The following PIK3C2G variants were observed in gnomAD, a reference collection of about 807,000 sequenced individuals.
The protein encoded by PIK3C2G is phosphatidylinositol-4-phosphate 3-kinase catalytic subunit type 2 gamma, also known as phosphatidylinositol 3-kinase C2 domain-containing subunit gamma.
In PIK3C2G, 168 loss-of-function variants were observed where a neutral mutation model predicts 181.1. That is an observed-to-expected ratio of 0.93 (90% CI 0.82 to 1.05). The LOEUF is 1.05. Among genes scored for constraint, PIK3C2G ranks in the 50% least tolerant of loss-of-function variants. The pLI, the probability that PIK3C2G is intolerant of heterozygous loss-of-function variation, is 0.00. For synonymous variants in PIK3C2G, 573 were observed against 592.2 expected (o/e 0.97, Z 0.47); for missense variants, 1,869 against 1,732.8 (o/e 1.08, Z -1.40).
chr12:18,358,261 G>A (rs996247088), intron 11 of PIK3C2G, among the ~76,000 whole-genome samples: 17 of 152,146 alleles, frequency 1.1e-4, no homozygotes, highest in African/African-American at 3.4e-4. Context: ...TCTGCTTACC[G>A]GAAGTAGTCC....
At chr12:18,717,398 A>G in the PIK3C2G span, among the ~76,000 whole-genome samples, 1 of 152,152 alleles carries the variant, frequency 6.6e-6, no homozygotes, top group African/African-American at 2.4e-5. Context: ...ATTTACTTGT[A>G]TGTTTGATAT....
At chr12:18,333,643 C>T (rs1938210889) in intron 8 of PIK3C2G, among the ~76,000 whole-genome samples, 1 of 152,060 alleles carries the variant, frequency 6.6e-6, no homozygotes, top group Non-Finnish European at 1.5e-5. Flanking sequence ...TATTTTAAGC[C>T]AAGCTGCATT....
At chr12:18,555,169 A>G (rs1451775694) in intron 26 of PIK3C2G, among the ~76,000 whole-genome samples, 1 of 152,174 alleles carries the variant, frequency 6.6e-6, no homozygotes, top group Non-Finnish European at 1.5e-5. Context: ...TGCCAAATAT[A>G]TGAACAATTT....
At chr12:18,258,632 G>A (rs1948172338), upstream of PIK3C2G, among the ~76,000 whole-genome samples, 1 of 150,178 alleles carries the variant, frequency 6.7e-6, no homozygotes, top group Non-Finnish European at 1.5e-5. Context: ...TTTTTTTAAG[G>A]GCGGGAGAGG....
intron 23 of PIK3C2G, among the ~76,000 whole-genome samples, chr12:18,503,696 C>T (rs949542530): frequency 6.6e-6 from 1 of 152,092 alleles, no homozygotes; most frequent in African/African-American, 2.4e-5. Flanking sequence ...AAACAATAAC[C>T]CTTGAAATTA....
At chr12:18,675,888 G>A in the PIK3C2G span, among the ~76,000 whole-genome samples, 4 of 151,968 alleles carry the variant, frequency 2.6e-5, no homozygotes, top group East Asian at 7.8e-4. Context: ...AGGGGGGTGA[G>A]GTTTGAGATT....
chr12:18,303,595 T>C (rs1028138481), intron 5 of PIK3C2G, among the ~76,000 whole-genome samples: 1 of 152,180 alleles, frequency 6.6e-6, no homozygotes, highest in Non-Finnish European at 1.5e-5. Context: ...CTCAAAGTGC[T>C]GGGATTACAG....
chr12:18,629,914 T>C (rs1472728315), intron 31 of PIK3C2G, among the ~76,000 whole-genome samples: 3 of 152,202 alleles, frequency 2.0e-5, no homozygotes, highest in African/African-American at 7.2e-5. Flanking sequence ...AAATATCTTT[T>C]TTATATTACA....
rs553536708 is a variant in PIK3C2G, at chr12:18,311,965, T to C, written c.1035-1997T>C. On this transcript the variant is annotated intron_variant, in intron 5 of 32. Transcript: ENST00000538779. ...CAAAGCTGAAGAACTTGGAATCTGATGTTTGAGAGCAGGAAGCATCCAGCA... is the reference window on the plus strand; with the variant it reads ...CAAAGCTGAAGAACTTGGAATCTGACGTTTGAGAGCAGGAAGCATCCAGCA... Among the ~76,000 whole-genome samples the C allele has an allele frequency of 3.3e-5, 5 of 152,268 alleles. No homozygotes were observed. In the East Asian group the frequency reaches 9.7e-4, roughly 29 times the overall value.
At chr12:18,487,222 A>G (rs975419081) in intron 18 of PIK3C2G, among the ~76,000 whole-genome samples, 2 of 151,880 alleles carry the variant, frequency 1.3e-5, no homozygotes, top group Non-Finnish European at 2.9e-5. Context: ...CTAGAAGACA[A>G]GTTGGCTTCT....
At chr12:18,569,535 T>A (rs1592608759) in intron 29 of PIK3C2G, among the ~76,000 whole-genome samples, 2 of 152,340 alleles carry the variant, frequency 1.3e-5, no homozygotes, top group Admixed American at 1.3e-4. Flanking sequence ...CTTCTCTACA[T>A]AGACTTTTGG....
intron 13 of PIK3C2G, among the ~76,000 whole-genome samples, chr12:18,380,603 A>T (rs1942774291): frequency 6.6e-6 from 1 of 152,192 alleles, no homozygotes; most frequent in Non-Finnish European, 1.5e-5. Flanking sequence ...ATACCAAGAC[A>T]GATTTTCTCT....
chr12:18,572,242 C>G (rs115269599), intron 29 of PIK3C2G, among the ~76,000 whole-genome samples: 4,611 of 148,800 alleles, frequency 0.031, 163 homozygotes, highest in African/African-American at 0.094. Flanking sequence ...TTTTATTCTT[C>G]AGGGATATTT....
chr12:18,599,091 A>T (rs1196904390), intron 30 of PIK3C2G, among the ~76,000 whole-genome samples: 1 of 152,034 alleles, frequency 6.6e-6, no homozygotes. Flanking sequence ...TCAGTGTGGC[A>T]ATTCCTCAGG....
At chr12:18,258,948 G>A (rs1312028734), upstream of PIK3C2G, among the ~76,000 whole-genome samples, 2 of 152,080 alleles carry the variant, frequency 1.3e-5, no homozygotes, top group Non-Finnish European at 2.9e-5. Flanking sequence ...GAGCAGCAAT[G>A]CAGTTAGCAC....
chr12:18,524,245 C>A (rs1429448256), intron 24 of PIK3C2G, among the ~76,000 whole-genome samples: 2 of 152,200 alleles, frequency 1.3e-5, no homozygotes, highest in East Asian at 3.9e-4. Context: ...GGGAAATTAT[C>A]TGTGGATGAT....
At chr12:18,385,334 T>G (rs75626176) in intron 14 of PIK3C2G, among the ~76,000 whole-genome samples, 213 of 152,272 alleles carry the variant, frequency 1.4e-3, no homozygotes, top group Admixed American at 2.9e-3. Context: ...TTTCAGGTCC[T>G]ATGGTTGATT....
At chr12:18,624,017 A>G (rs552004194) in intron 31 of PIK3C2G, among the ~76,000 whole-genome samples, 1 of 151,724 alleles carries the variant, frequency 6.6e-6, no homozygotes, top group East Asian at 1.9e-4. Context: ...AGTTTTGATG[A>G]CTTTTCTTTC....
At chr12:18,689,278 GA>G in the PIK3C2G span, among the ~76,000 whole-genome samples, 163 of 148,900 alleles carry the variant, frequency 1.1e-3, no homozygotes, top group African/African-American at 2.1e-3. Flanking sequence ...ATTCCAGAAA[GA>G]AAAAAAAAAT....
Sources: gnomAD v4.1 joint callset for allele counts (sites outside exome capture counted in the v4.1 genomes callset) on GRCh38, gnomAD v4.1.1 for gene constraint, MANE v1.5 for transcripts, NCBI Gene and HGNC (gene_info 2026-07-23, HGNC 2026-07-21) for gene names.